ZFAND4: variants seen among roughly 807,000 people sequenced by gnomAD.
The protein encoded by ZFAND4 is AN1-type zinc finger protein 4.
A neutral mutation model predicts 64.4 loss-of-function variants in ZFAND4; 43 were observed. The ratio of observed to expected loss-of-function variants is 0.67; its 90% CI spans 0.52 to 0.86. ZFAND4 has a LOEUF of 0.86. ZFAND4 is among the 40% of genes least tolerant of loss of function. The pLI, the probability that ZFAND4 is intolerant of heterozygous loss-of-function variation, is 0.00. For missense variants in ZFAND4, 929 were observed against 859.8 expected (o/e 1.08, Z -1.01); for synonymous variants, 296 against 305.7 (o/e 0.97, Z 0.33).
intron 6 of ZFAND4, among the ~76,000 whole-genome samples, chr10:45,629,027 T>G (rs552972098): frequency 6.6e-6 from 1 of 150,792 alleles, no homozygotes; most frequent in African/African-American, 2.4e-5. Context: ...AGATCTAAGA[T>G]ATGGGATATC....
intron 4 of ZFAND4, chr10:45,650,172 T>G (rs1254817851): frequency 2.0e-5 from 3 of 152,070 alleles, no homozygotes; most frequent in African/African-American, 7.3e-5. Flanking sequence ...AGTGGCGCAG[T>G]CTCCACTCAC....
Position 45,626,521 on chromosome 10 carries a change from C to A in ZFAND4, c.1302G>T (p.Gly434=), listed in dbSNP as rs1306682697. The A allele has an allele frequency of 3.7e-6, 6 of 1,613,922 alleles. No individual in the cohort carries two copies. The highest frequency in any genetic ancestry group is 1.3e-5 in the African/African-American group (1 of 74,926). The part of the protein sequence containing the change: ...LELLLTNADK[G]LKAPEQHLKH... Reference sequence around the variant, plus strand: ...TGAGATGCTGCTCTGGAGCTTTCAACCCTTTGTCAGCATTAGTGAGTAGCA... The same window carrying A: ...TGAGATGCTGCTCTGGAGCTTTCAAACCTTTGTCAGCATTAGTGAGTAGCA... The change falls in exon 7 of 10, where the codon GGG becomes GGT. Residue 434 remains glycine, a synonymous_variant. Transcript: ENST00000344646.
chr10:45,627,984 C>T (rs936619568), intron 6 of ZFAND4, among the ~76,000 whole-genome samples: 1 of 152,222 alleles, frequency 6.6e-6, no homozygotes, highest in Non-Finnish European at 1.5e-5. Context: ...CAACATACTA[C>T]AGCCCTGTGA....
At chr10:45,662,445 A>C (rs893884421) in intron 2 of ZFAND4, 57 of 268,290 alleles carry the variant, frequency 2.1e-4, no homozygotes, top group South Asian at 7.0e-4. Flanking sequence ...AATTCATGAA[A>C]GAGATAAAAA....
At chr10:45,671,554 C>A (rs918000839) in intron 1 of ZFAND4, among the ~76,000 whole-genome samples, 1 of 152,082 alleles carries the variant, frequency 6.6e-6, no homozygotes, top group African/African-American at 2.4e-5. Context: ...AGCTGGAAAC[C>A]ATCATTCTCA....
At chr10:45,631,621 T>C (rs1051034435) in intron 6 of ZFAND4, among the ~76,000 whole-genome samples, 1 of 152,132 alleles carries the variant, frequency 6.6e-6, no homozygotes, top group Non-Finnish European at 1.5e-5. Flanking sequence ...AAGCAAAGCA[T>C]AGCAGAGCAA....
intron 2 of ZFAND4, among the ~76,000 whole-genome samples, chr10:45,660,391 A>C (rs2048393410): frequency 6.6e-6 from 1 of 152,154 alleles, no homozygotes; most frequent in African/African-American, 2.4e-5. Flanking sequence ...TAAGAGAAAA[A>C]AGAATGCACA....
intron 5 of ZFAND4, among the ~76,000 whole-genome samples, chr10:45,647,424 G>GT (rs58918686): frequency 0.16 from 20,077 of 126,928 alleles, 1,602 homozygotes; most frequent in Admixed American, 0.23. Flanking sequence ...ACTACAAGCT[G>GT]TTTTTTTTTT....
intron 6 of ZFAND4, among the ~76,000 whole-genome samples, chr10:45,628,917 A>AG (rs1287998180): frequency 1.4e-5 from 2 of 148,048 alleles, no homozygotes; most frequent in Admixed American, 6.7e-5. Flanking sequence ...AAAAAAAAAA[A>AG]GGGAAAAAAA....
At chr10:45,632,664 T>C (rs1005842479) in intron 6 of ZFAND4, among the ~76,000 whole-genome samples, 1 of 152,068 alleles carries the variant, frequency 6.6e-6, no homozygotes, top group African/African-American at 2.4e-5. Context: ...GCAAAAGCCT[T>C]CTGAAATACC....
intron 1 of ZFAND4, among the ~76,000 whole-genome samples, chr10:45,665,302 G>A (rs1262592339): frequency 2.0e-5 from 3 of 152,118 alleles, no homozygotes; most frequent in Non-Finnish European, 2.9e-5. Flanking sequence ...CACGTTGGGA[G>A]GCCGAGGTGG....
At position 45,616,718 on chromosome 10, in the gene ZFAND4, G is replaced by A. The variant is rs185827347; in HGVS notation, c.2049-147C>T. ...CACTGCTGACATTTCCCTTCCATTC[G>A]TAAACAAGCATAAATACCCCCAAAA... On this transcript the variant is annotated intron_variant, in intron 9 of 9. Transcript: ENST00000344646. The A allele has an allele frequency of 3.0e-4, 212 of 705,708 alleles. 1 individual carries two copies. In the African/African-American group the frequency reaches 3.3e-3, roughly 11 times the overall value. The allele number at this position is 705,708 out of a possible 1,614,324, so 43.7% of individuals were successfully genotyped here. A position where few individuals can be genotyped will look rare whatever the true frequency, so the allele number is the denominator to read the frequency against.
rs1814751554 is a variant in ZFAND4, at chr10:45,618,065, T to C, written c.2048+75A>G. 4.1e-6 allele frequency: 6 copies of C among 1,472,808 alleles called. No individual in the cohort carries two copies. In the South Asian group the frequency reaches 7.8e-5, roughly 19 times the overall value. The allele number at this position is 1,472,808 out of a possible 1,614,324, so 91.2% of individuals were successfully genotyped here. A position where few individuals can be genotyped will look rare whatever the true frequency, so the allele number is the denominator to read the frequency against. ...TGATGTTATAAACAGGCAATTTAAA[T>C]ATTTTATTTTGCATAATCCCCAAGC... On this transcript the variant is annotated intron_variant, in intron 9 of 9. Coordinates refer to ENST00000344646, the MANE Select transcript of ZFAND4 (RefSeq NM_174890.4).
intron 6 of ZFAND4, among the ~76,000 whole-genome samples, chr10:45,630,513 G>C (rs1024338240): frequency 1.4e-4 from 21 of 152,026 alleles, no homozygotes; most frequent in Admixed American, 6.6e-4. Flanking sequence ...GGATCACGAG[G>C]TCAGGAGATC....
intron 6 of ZFAND4, 93 bp downstream of exon 6, chr10:45,639,723 T>C (rs2133695480): frequency 1.4e-6 from 2 of 1,421,620 alleles, no homozygotes; most frequent in East Asian, 2.4e-5. Context: ...AATAATACTT[T>C]ATAATTTTTT....
intron 3 of ZFAND4, among the ~76,000 whole-genome samples, chr10:45,652,278 T>C (rs895877821): frequency 1.3e-5 from 2 of 152,220 alleles, no homozygotes; most frequent in African/African-American, 4.8e-5. Context: ...CCTCTGTGAT[T>C]ACGTGTTTTA....
intron 5 of ZFAND4, among the ~76,000 whole-genome samples, chr10:45,645,045 G>A (rs1273366702): frequency 7.0e-6 from 1 of 143,792 alleles, no homozygotes; most frequent in Non-Finnish European, 1.5e-5. Context: ...GCAGTGGTGT[G>A]ATCTCGGCTC....
chr10:45,626,592 C>A lies in ZFAND4; in HGVS notation c.1231G>T (p.Glu411Ter). The A allele has an allele frequency of 6.2e-7, 1 of 1,614,194 alleles. No homozygotes were observed. The highest frequency in any genetic ancestry group is 8.5e-7 in the Non-Finnish European group (1 of 1,180,038). The change falls in exon 7 of 10, where the codon GAA becomes TAA. Residue 411 changes from glutamate (E) to a stop codon, truncating the protein, a stop_gained. Transcript: ENST00000344646. LOFTEE classifies it high-confidence loss of function. The part of the protein sequence containing the change: ...LASFAEGNAD[E>*]QSSGLEGACK... ...GCACCTTCTAAGCCGCTGCTCTGTTCATCAGCATTTCCTTCTGCAAATGAA... is the reference window on the plus strand; with the variant it reads ...GCACCTTCTAAGCCGCTGCTCTGTTAATCAGCATTTCCTTCTGCAAATGAA...
intron 5 of ZFAND4, among the ~76,000 whole-genome samples, chr10:45,645,730 AT>A: frequency 6.6e-6 from 1 of 152,320 alleles, no homozygotes; most frequent in East Asian, 1.9e-4. Context: ...TGATATCTCT[AT>A]TCCCACAGAA....
Sources: gnomAD v4.1 joint callset for allele counts (sites outside exome capture counted in the v4.1 genomes callset) on GRCh38, gnomAD v4.1.1 for gene constraint, MANE v1.5 for transcripts, NCBI Gene and HGNC (gene_info 2026-07-23, HGNC 2026-07-21) for gene names.